Variants in TBX4 observed in about 807,000 individuals in gnomAD.
TBX4 encodes T-box transcription factor 4.
In TBX4, 13 loss-of-function variants were observed where a neutral mutation model predicts 54.6. That is an observed-to-expected ratio of 0.24 (90% CI 0.15 to 0.38). TBX4 has a LOEUF of 0.38. TBX4 is among the 10% of genes least tolerant of loss of function. TBX4 has a pLI of 1.00. For synonymous variants in TBX4, 314 were observed against 306.7 expected (o/e 1.02, Z -0.25); for missense variants, 631 against 728.5 (o/e 0.87, Z 1.54).
chr17:61,466,073 G>A (rs2060535654), intron 4 of TBX4, 135 bp downstream of exon 4: 1 of 1,426,684 alleles, frequency 7.0e-7, no homozygotes, highest in Non-Finnish European at 9.8e-7. Flanking sequence ...TCCACTGCCT[G>A]GAACTGGCTG....
At chr17:61,482,780 C>A in intron 8 of TBX4, 117 bp from the exon 9 acceptor site, 2 of 1,468,328 alleles carry the variant, frequency 1.4e-6, no homozygotes, top group Non-Finnish European at 1.8e-6. Context: ...AGTGCCATGG[C>A]AACATGGGGA....
Position 61,456,583 on chromosome 17 carries a change from G to T in TBX4, c.93G>T (p.Glu31Asp), listed in dbSNP as rs924569049. 3.3e-6 allele frequency: 5 copies of T among 1,534,198 alleles called. No individual in the cohort carries two copies. In the Admixed American group the frequency reaches 1.0e-4, roughly 31 times the overall value. ...LGEASAANAP[E>D]PALAAPGLSG... is the part of the protein sequence containing the mutation. ...AGGCCAGCGCAGCCAACGCCCCCGA[G>T]CCCGCGCTGGCAGCGCCGGGCCTCA... The change falls in exon 2 of 9, where the codon GAG becomes GAT. Residue 31 changes from glutamate (E) to aspartate (D), a missense_variant. By Grantham distance (45) the Glu-to-Asp change is conservative. Coordinates refer to ENST00000644296, the MANE Select transcript of TBX4 (RefSeq NM_001321120.2).
intron 5 of TBX4, among the ~76,000 whole-genome samples, chr17:61,477,961 A>G (rs1409178271): frequency 6.7e-6 from 1 of 149,400 alleles, no homozygotes; most frequent in African/African-American, 2.5e-5. Flanking sequence ...AAAAAAAAAG[A>G]AAAAGAAAAA....
intron 5 of TBX4, among the ~76,000 whole-genome samples, chr17:61,473,290 A>G (rs924038765): frequency 3.9e-5 from 6 of 152,172 alleles, no homozygotes; most frequent in African/African-American, 1.4e-4. Context: ...ATTTCTGCTC[A>G]TTTTCGGAGT....
Position 61,457,194 on chromosome 17 carries a change from T to C in TBX4, c.187-343T>C, listed in dbSNP as rs1226392585. The stretch of plus-strand genomic sequence containing the variant: ...AGGCGCGCGCCTGGCCGAGGGTGCG[T>C]GCGCCTCTCCCTGTCTGTGTCTGCC... On this transcript the variant is annotated intron_variant, in intron 2 of 8. Coordinates refer to ENST00000644296, the MANE Select transcript of TBX4 (RefSeq NM_001321120.2). This position sits in a 1 kb window ranked among gnomAD's most constrained non-coding sequence, Gnocchi z 8.2. Among the ~76,000 whole-genome samples, 1 of 151,860 alleles carries C rather than the reference T, an allele frequency of 6.6e-6. No individual in the cohort carries two copies. The highest frequency in any genetic ancestry group is 1.9e-4 in the East Asian group (1 of 5,138).
chr17:61,471,892 ATTTTTT>A (rs35198276), intron 5 of TBX4, among the ~76,000 whole-genome samples: 11 of 72,948 alleles, frequency 1.5e-4, no homozygotes, highest in African/African-American at 5.2e-4. Context: ...TGCCCAGCTA[ATTTTTT>A]TTTTTTTTTT....
In TBX4 at chr17:61,457,411, TC is replaced by T; in HGVS notation, c.187-125del. 1 of 790,614 alleles carries T rather than the reference TC, an allele frequency of 1.3e-6. No individual in the cohort carries two copies. Among genetic ancestry groups the T allele is most frequent in the Non-Finnish European group, 2.2e-6 (1 of 458,174 alleles). 49.0% of individuals were successfully genotyped at this position (790,614 alleles called of 1,614,324 possible). ...TTCAAAATCGTTCTGTGAAACGAAA[TC>T]TGGAGCCATGGGCTCCGGGCGGGCA... is the stretch of plus-strand genomic sequence containing the variant. On this transcript the variant is annotated intron_variant, in intron 2 of 8. Transcript: ENST00000644296. The surrounding 1 kb of genome is among the most constrained non-coding windows in gnomAD (Gnocchi z 8.2).
intron 5 of TBX4, among the ~76,000 whole-genome samples, chr17:61,477,167 G>C (rs536240123): frequency 3.9e-5 from 6 of 152,356 alleles, no homozygotes; most frequent in African/African-American, 1.4e-4. Flanking sequence ...GCCTGGCCTG[G>C]CCAGGACAGA....
At chr17:61,470,492 T>G (rs3785828) in intron 5 of TBX4, among the ~76,000 whole-genome samples, 21,535 of 152,182 alleles carry the variant, frequency 0.14, 1,608 homozygotes, top group East Asian at 0.23. Context: ...CAGAACCTCC[T>G]AAAAGGACTG....
At position 61,460,110 on chromosome 17, in the gene TBX4, C is replaced by T. The variant is rs1309330668; in HGVS notation, c.281+2479C>T. 6.6e-6 allele frequency: 1 copy of T among 152,490 alleles called. No homozygotes were observed. Among genetic ancestry groups the T allele is most frequent in the Non-Finnish European group, 1.5e-5 (1 of 68,272 alleles). The allele number at this position is 152,490 out of a possible 1,614,324, so 9.4% of individuals were successfully genotyped here. ...TGGAGGAGAACCAAGAGAACGTAAA[C>T]CAAACCCCAGAGAAGGGAAGTTAGG... On this transcript the variant is annotated intron_variant, in intron 3 of 8. Transcript: ENST00000644296. The surrounding 1 kb of genome is among the most constrained non-coding windows in gnomAD (Gnocchi z 4.4).
intron 5 of TBX4, among the ~76,000 whole-genome samples, chr17:61,467,983 C>T (rs776413459): frequency 3.3e-5 from 5 of 152,176 alleles, no homozygotes; most frequent in Admixed American, 6.5e-5. Context: ...GCACTTTGCA[C>T]GTAGGAGGGG....
intron 8 of TBX4, 60 bp from the exon 9 acceptor site, chr17:61,482,837 G>A (rs1360156475): frequency 1.2e-6 from 2 of 1,601,930 alleles, no homozygotes; most frequent in East Asian, 4.5e-5. Flanking sequence ...CATCCAACAG[G>A]GTGCTCTGGG....
chr17:61,461,774 T>C lies in TBX4; in HGVS notation c.282-4045T>C, dbSNP rs1262345443. Among the ~76,000 whole-genome samples, 1 of 152,088 alleles carries C rather than the reference T, an allele frequency of 6.6e-6. No individual in the cohort carries two copies. The highest frequency in any genetic ancestry group is 1.5e-5 in the Non-Finnish European group (1 of 67,998). On this transcript the variant is annotated intron_variant, in intron 3 of 8. Transcript: ENST00000644296. The surrounding 1 kb of genome is among the most constrained non-coding windows in gnomAD (Gnocchi z 5.1). ...GCCCAGTCAGAGCCATCCCCACCTT[T>C]GAAACCGCTCTCTAGACTTCTGACC...
At chr17:61,456,825 G>A (rs1168218724) in intron 2 of TBX4, 149 bp downstream of exon 2, 2 of 559,222 alleles carry the variant, frequency 3.6e-6, no homozygotes, top group Admixed American at 9.2e-5. Context: ...GTTCTCCACT[G>A]GACATGGCTC....
Position 61,461,439 on chromosome 17 carries a change from C to T in TBX4, c.281+3808C>T, listed in dbSNP as rs777070771. Among the ~76,000 whole-genome samples, 16 of 152,178 alleles carry T rather than the reference C, an allele frequency of 1.1e-4. No homozygotes were observed. The highest frequency in any genetic ancestry group is 2.2e-4 in the Non-Finnish European group (15 of 68,040). On this transcript the variant is annotated intron_variant, in intron 3 of 8. Coordinates refer to ENST00000644296, the MANE Select transcript of TBX4 (RefSeq NM_001321120.2). This position sits in a 1 kb window ranked among gnomAD's most constrained non-coding sequence, Gnocchi z 5.1. ...GGCCCTGGCCTCTTCCCCGTACACC[C>T]AGGATTCCTCCTGAAAAGCCCCCAC...
rs1424642629 is a variant in TBX4, at chr17:61,457,685, AG to A, written c.281+57del. On this transcript the variant is annotated intron_variant, in intron 3 of 8. Transcript: ENST00000644296. This position sits in a 1 kb window ranked among gnomAD's most constrained non-coding sequence, Gnocchi z 8.2. Reference sequence around the variant, plus strand: ...ATGGCGGTGGGGAGCAAGGGGGGCCAGGGAGGTCCCTTAGAAGTCCTCTCGG... The same window carrying A: ...ATGGCGGTGGGGAGCAAGGGGGGCCAGGAGGTCCCTTAGAAGTCCTCTCGG... 6.4e-7 allele frequency: 1 copy of A among 1,562,456 alleles called. No homozygotes were observed. The highest frequency in any genetic ancestry group is 8.8e-7 in the Non-Finnish European group (1 of 1,136,316).
At position 61,483,041 on chromosome 17, in the gene TBX4, C is replaced by G. The variant is rs2060676206; in HGVS notation, c.1166C>G (p.Pro389Arg). The G allele has an allele frequency of 1.2e-6, 2 of 1,614,112 alleles. No homozygotes were observed. The highest frequency in any genetic ancestry group is 1.7e-6 in the Non-Finnish European group (2 of 1,180,012). Residue 389 changes from proline (P) to arginine (R), a missense_variant, in exon 9 of 9, where the codon CCC becomes CGC. By Grantham distance (103) the Pro-to-Arg change is moderately radical. This residue lies in a region of TBX4 where 354 missense variants were observed against 368.9 expected (regional missense o/e 0.96). Coordinates refer to ENST00000644296, the MANE Select transcript of TBX4 (RefSeq NM_001321120.2). This position sits in a 1 kb window ranked among gnomAD's most constrained non-coding sequence, Gnocchi z 6.6. Reference sequence around the variant, plus strand: ...CCCTCCTACTGCAGTGAGGTGACCCCCAGAGAAGCATGTATGTACTCAGGT... The same window carrying G: ...CCCTCCTACTGCAGTGAGGTGACCCGCAGAGAAGCATGTATGTACTCAGGT... ...LSPSYCSEVT[P>R]REACMYSGSG...
Position 61,480,402 on chromosome 17 carries a change from C to CA in TBX4, c.1021+83_1021+84insA, listed in dbSNP as rs1389967469. ...CGAAACCACTCTGCAGCGCCCCCCC[C>CA]CCCAACACACACACACTCATCTCGT... is the stretch of plus-strand genomic sequence containing the variant. On this transcript the variant is annotated intron_variant, in intron 8 of 8. Transcript: ENST00000644296. This position sits in a 1 kb window ranked among gnomAD's most constrained non-coding sequence, Gnocchi z 6.2. The CA allele has an allele frequency of 8.9e-6, 10 of 1,118,182 alleles. No individual in the cohort carries two copies. Among genetic ancestry groups the CA allele is most frequent in the African/African-American group, 1.6e-5 (1 of 64,492 alleles). 69.3% of individuals were successfully genotyped at this position (1,118,182 alleles called of 1,614,324 possible).
chr17:61,484,148 GGAGCTCT>G lies in TBX4; in HGVS notation c.*636_*642del, dbSNP rs2060687095. The G allele has an allele frequency of 6.5e-6, 1 of 152,836 alleles. No homozygotes were observed. The highest frequency in any genetic ancestry group is 1.5e-5 in the Non-Finnish European group (1 of 68,580). 9.5% of individuals were successfully genotyped at this position (152,836 alleles called of 1,614,324 possible). A position where few individuals can be genotyped will look rare whatever the true frequency, so the allele number is the denominator to read the frequency against. On this transcript the variant is annotated 3_prime_UTR_variant, in exon 9 of 9. Transcript: ENST00000644296. This position sits in a 1 kb window ranked among gnomAD's most constrained non-coding sequence, Gnocchi z 4.1. ...GTGAGTGGCCTAGACATTGATGACT[GGAGCTCT>G]GAGGTCTGAGGGATGACGTTCGGAA...
Sources: gnomAD v4.1 joint callset for allele counts (sites outside exome capture counted in the v4.1 genomes callset) on GRCh38, gnomAD v4.1.1 for gene constraint, gnomAD v4.1.1 regional missense constraint, Gnocchi (gnomAD v3.1) non-coding constraint, MANE v1.5 for transcripts, NCBI Gene and HGNC (gene_info 2026-07-23, HGNC 2026-07-21) for gene names.